Variants in COL4A4 observed in about 807,000 individuals in gnomAD.
COL4A4 encodes collagen type IV alpha 4 chain.
In COL4A4, 105 loss-of-function variants were observed where a neutral mutation model predicts 192.9. The ratio of observed to expected loss-of-function variants is 0.54; its 90% CI spans 0.46 to 0.64. The LOEUF is 0.64. Among genes scored for constraint, COL4A4 ranks in the 30% least tolerant of loss-of-function variants. COL4A4 has a pLI of 0.00. For missense variants in COL4A4, 1,967 were observed against 2,169.3 expected (o/e 0.91, Z 1.85); for synonymous variants, 762 against 769.9 (o/e 0.99, Z 0.17).
In COL4A4 at chr2:227,008,189, A is replaced by G; in HGVS notation, c.4638T>C (p.Ala1546=). 1.2e-6 allele frequency: 2 copies of G among 1,614,168 alleles called. No homozygotes were observed. The highest frequency in any genetic ancestry group is 1.7e-6 in the Non-Finnish European group (2 of 1,180,004). Residue 1546 remains alanine (A), a synonymous_variant, in exon 47 of 48, where the codon GCT becomes GCC. Coordinates refer to ENST00000396625, the MANE Select transcript of COL4A4 (RefSeq NM_000092.5). The part of the protein sequence containing the change: ...RNDRSYWLAS[A]APLPMMPLSE... The stretch of plus-strand genomic sequence containing the variant: ...AGAGTGGCATCATGGGGAGGGGCGC[A>G]GCGCTGGCCAGCCAGTAGGATCTGT...
intron 20 of COL4A4, among the ~76,000 whole-genome samples, chr2:227,090,633 T>A (rs1483993804): frequency 6.6e-6 from 1 of 151,524 alleles, no homozygotes; most frequent in Non-Finnish European, 1.5e-5. Flanking sequence ...GTGCCTGTAA[T>A]CCCCGCTACT....
chr2:227,163,289 C>T (rs1409986411), intron 1 of COL4A4, among the ~76,000 whole-genome samples: 2 of 152,218 alleles, frequency 1.3e-5, no homozygotes, highest in African/African-American at 4.8e-5. Flanking sequence ...TTTCATGTCA[C>T]ATTTCAGTTT....
chr2:227,157,161 T>C (rs1015658849), intron 1 of COL4A4, among the ~76,000 whole-genome samples: 1 of 152,144 alleles, frequency 6.6e-6, no homozygotes, highest in African/African-American at 2.4e-5. Context: ...GTAAGCCATC[T>C]AGGAAAGTCC....
Position 227,010,389 on chromosome 2 carries a change from C to T in COL4A4, c.4446G>A (p.Leu1482=), listed in dbSNP as rs770779529. ...SQTDQEPTCP[L]GMPRLWTGYS... is the part of the protein sequence containing the mutation. ...ACCCAGTCCAGAGCCTGGGCATGCC[C>T]AGGGGGCAGGTGGGCTCCTGGTCCG... The change falls in exon 46 of 48, where the codon CTG becomes CTA. Residue 1482 remains leucine (L), a synonymous_variant. Transcript: ENST00000396625. The T allele has an allele frequency of 1.2e-6, 2 of 1,614,216 alleles. No homozygotes were observed. Among genetic ancestry groups the T allele is most frequent in the South Asian group, 2.2e-5 (2 of 91,080 alleles).
rs563505229 is a variant in COL4A4, at chr2:227,134,746, G to C, written c.192+5415C>G. On this transcript the variant is annotated intron_variant, in intron 4 of 47. Transcript: ENST00000396625. ...AGTGATTTGAAATTCTCCGAAGAAA[G>C]AATGACTCACTCACGTTTGATTTTG... Among the ~76,000 whole-genome samples, 16 of 152,292 alleles carry C rather than the reference G, an allele frequency of 1.1e-4. No homozygotes were observed. The South Asian group carries it at 3.3e-3, about 32-fold the overall frequency.
intron 25 of COL4A4, among the ~76,000 whole-genome samples, chr2:227,065,939 A>T (rs977618764): frequency 1.3e-5 from 2 of 152,224 alleles, no homozygotes; most frequent in African/African-American, 2.4e-5. Context: ...GCTACGGGGG[A>T]ACATTCAAAC....
Position 227,045,837 on chromosome 2 carries a change from CAT to C in COL4A4, c.3289+1636_3289+1637del, listed in dbSNP as rs749580953. 5.6e-3 allele frequency among the ~76,000 whole-genome samples: 230 copies of C among 41,156 alleles called. 55 individuals carry two copies. In the East Asian group the frequency reaches 0.12, roughly 22 times the overall value. 27.0% of individuals were successfully genotyped at this position (41,156 alleles called of 152,430 possible). On this transcript the variant is annotated intron_variant, in intron 35 of 47. Transcript: ENST00000396625. ...ATATACACATATATATATATACACA[CAT>C]ATATATATACACATATATATATACA... is the stretch of plus-strand genomic sequence containing the variant.
In COL4A4 at chr2:227,114,782, C is replaced by T. The variant is rs990737526; in HGVS notation, c.490-86G>A. On this transcript the variant is annotated intron_variant, in intron 7 of 47. Coordinates refer to ENST00000396625, the MANE Select transcript of COL4A4 (RefSeq NM_000092.5). ...CTTTTCTATATAAAATATAACTCAT[C>T]AGTTAAAATTACCATTATTGACATG... 5.6e-6 allele frequency: 6 copies of T among 1,067,282 alleles called. No homozygotes were observed. In the African/African-American group the frequency reaches 6.3e-5, roughly 11 times the overall value. The allele number at this position is 1,067,282 out of a possible 1,614,324, so 66.1% of individuals were successfully genotyped here.
intron 37 of COL4A4, among the ~76,000 whole-genome samples, chr2:227,041,880 A>G (rs931567555): frequency 2.8e-4 from 41 of 144,356 alleles, no homozygotes; most frequent in African/African-American, 5.4e-4. Context: ...GAAAGAAAGA[A>G]AGAAAGAAAG....
At chr2:227,016,274 A>C (rs1449820463) in intron 44 of COL4A4, among the ~76,000 whole-genome samples, 2 of 152,158 alleles carry the variant, frequency 1.3e-5, no homozygotes, top group Non-Finnish European at 1.5e-5. Flanking sequence ...ACCGCTCCAC[A>C]CAGTAGGCTA....
At chr2:227,056,989 C>T (rs1298527823) in intron 29 of COL4A4, among the ~76,000 whole-genome samples, 1 of 152,126 alleles carries the variant, frequency 6.6e-6, no homozygotes, top group Non-Finnish European at 1.5e-5. Context: ...CCTCCCTGCA[C>T]CTTGTATTAG....
intron 4 of COL4A4, among the ~76,000 whole-genome samples, chr2:227,131,341 G>A (rs2062452704): frequency 6.6e-6 from 1 of 151,908 alleles, no homozygotes; most frequent in African/African-American, 2.4e-5. Context: ...TTTTTTAGTA[G>A]AGACAGGTTT....
chr2:227,010,716 G>T (rs1329133254), intron 45 of COL4A4, among the ~76,000 whole-genome samples: 5 of 152,188 alleles, frequency 3.3e-5, no homozygotes, highest in African/African-American at 1.2e-4. Flanking sequence ...ACTCCTAGAT[G>T]CCTGGGCTAC....
chr2:226,989,762 AG>A, the COL4A4 span, among the ~76,000 whole-genome samples: 1 of 152,180 alleles, frequency 6.6e-6, no homozygotes, highest in East Asian at 1.9e-4. Context: ...TTGTTCATTA[AG>A]GGTCTCCAAA....
chr2:227,070,781 C>T (rs868294018), intron 25 of COL4A4, among the ~76,000 whole-genome samples: 4 of 150,912 alleles, frequency 2.7e-5, no homozygotes, highest in African/African-American at 4.9e-5. Flanking sequence ...TGCTAGATGA[C>T]GAGTTAGTGG....
At chr2:227,008,385 T>C in intron 46 of COL4A4, 81 bp from the exon 47 acceptor site, 1 of 1,486,112 alleles carries the variant, frequency 6.7e-7, no homozygotes. Flanking sequence ...CCATCTGGCC[T>C]TTGCAGATAC....
chr2:226,985,189 A>T, the COL4A4 span, among the ~76,000 whole-genome samples: 1 of 152,228 alleles, frequency 6.6e-6, no homozygotes, highest in Non-Finnish European at 1.5e-5. Context: ...GGCAGCATGC[A>T]CAATAGCAGG....
At position 227,018,261 on chromosome 2, in the gene COL4A4, C is replaced by T. The variant is rs115711877; in HGVS notation, c.4216+3787G>A. 9.3e-3 allele frequency among the ~76,000 whole-genome samples: 1,422 copies of T among 152,196 alleles called. 5 individuals carry two copies. The highest frequency in any genetic ancestry group is 0.014 in the Non-Finnish European group (929 of 68,010). ...TTTTGTTTTGTTTTAGATGGAGTTT[C>T]GCTCTTCTTGCCCAGGCTGGAGTGG... On this transcript the variant is annotated intron_variant, in intron 44 of 47. Coordinates refer to ENST00000396625, the MANE Select transcript of COL4A4 (RefSeq NM_000092.5).
At chr2:227,060,665 T>C (rs1233562949) in intron 26 of COL4A4, among the ~76,000 whole-genome samples, 2 of 152,142 alleles carry the variant, frequency 1.3e-5, no homozygotes, top group Non-Finnish European at 2.9e-5. Context: ...TCCCTGCATC[T>C]TACTGAATTT....
Sources: allele counts gnomAD v4.1 joint callset (sites outside exome capture counted in the v4.1 genomes callset), GRCh38; gene constraint gnomAD v4.1.1; transcripts MANE v1.5; gene names NCBI Gene and HGNC (gene_info 2026-07-23, HGNC 2026-07-21).